TENM1: variants seen among roughly 807,000 people sequenced by gnomAD.
TENM1 encodes the protein teneurin-1.
TENM1 carries 35 observed loss-of-function variants against 174.8 expected under a neutral mutation model. That is an observed-to-expected ratio of 0.20 (90% CI 0.15 to 0.27). The LOEUF is 0.27. TENM1 is among the 10% of genes least tolerant of loss of function. The pLI, the probability that TENM1 is intolerant of heterozygous loss-of-function variation, is 1.00. For missense variants in TENM1, 1,633 were observed against 2,130.1 expected (o/e 0.77, Z 4.59); for synonymous variants, 781 against 798.7 (o/e 0.98, Z 0.37).
At chrX:125,018,315 G>C in the TENM1 span, among the ~76,000 whole-genome samples, 1 of 111,266 alleles carries the variant, frequency 9.0e-6, no homozygotes, top group African/African-American at 3.3e-5. Flanking sequence ...TAATGATTTG[G>C]CTTGAGAGCA....
At chrX:124,629,461 G>C (rs1209001394) in intron 11 of TENM1, among the ~76,000 whole-genome samples, 1 of 112,114 alleles carries the variant, frequency 8.9e-6, no homozygotes, top group African/African-American at 3.2e-5. Context: ...ACTTACAAAA[G>C]ATTTGTCTTT....
chrX:124,705,169 C>A, exon 5 of TENM1: 1 of 1,210,838 alleles, frequency 8.3e-7, no homozygotes, highest in Non-Finnish European at 1.1e-6. Flanking sequence ...GGCGAGTACA[C>A]GGTATTGGAT....
chrX:124,736,842 G>C, intron 4 of TENM1, 115 bp downstream of exon 7: 1 of 985,058 alleles, frequency 1.0e-6, no homozygotes, highest in Non-Finnish European at 1.4e-6. Context: ...GGTGTGTATC[G>C]GTTTGTGCAT....
chrX:124,890,972 A>G (rs2057465858), intron 3 of TENM1, among the ~76,000 whole-genome samples: 1 of 112,205 alleles, frequency 8.9e-6, no homozygotes, highest in South Asian at 3.7e-4. Context: ...AGCCATTAAA[A>G]GAATGAAATC....
intron 20 of TENM1, among the ~76,000 whole-genome samples, chrX:124,496,784 C>T (rs1468973199): frequency 1.8e-5 from 2 of 111,536 alleles, no homozygotes; most frequent in African/African-American, 3.3e-5. Flanking sequence ...GAAGGACATA[C>T]ATACAGGGAT....
intron 3 of TENM1, among the ~76,000 whole-genome samples, chrX:124,887,365 G>T (rs1473643461): frequency 9.0e-6 from 1 of 111,159 alleles, no homozygotes; most frequent in Non-Finnish European, 1.9e-5. Flanking sequence ...TGTAGTATGT[G>T]ATCCCATTTG....
At chrX:124,512,252 T>A (rs746702625) in intron 18 of TENM1, among the ~76,000 whole-genome samples, 1 of 111,250 alleles carries the variant, frequency 9.0e-6, no homozygotes, top group East Asian at 2.8e-4. Context: ...CTCTAGAATT[T>A]TAACAGCCCT....
chrX:124,432,298 T>C lies in TENM1; in HGVS notation c.4105-9660A>G, dbSNP rs556587448. 3.1e-4 allele frequency among the ~76,000 whole-genome samples: 35 copies of C among 112,174 alleles called. No individual in the cohort carries two copies. In the South Asian group the frequency reaches 0.012, roughly 37 times the overall value. Reference sequence around the variant, plus strand: ...AGACAATATCAGGGTCAAAACAAAATGTTAAATTTGTGGTTCCTAAAATTC... The same window carrying C: ...AGACAATATCAGGGTCAAAACAAAACGTTAAATTTGTGGTTCCTAAAATTC... On this transcript the variant is annotated intron_variant, in intron 23 of 31. Transcript: ENST00000422452.
chrX:125,093,092 A>G, the TENM1 span, among the ~76,000 whole-genome samples: 1 of 112,017 alleles, frequency 8.9e-6, no homozygotes, highest in Non-Finnish European at 1.9e-5. Flanking sequence ...TACAGAACTA[A>G]TTCTACTAGA....
At chrX:124,644,044 CATAT>C (rs72253813) in intron 10 of TENM1, among the ~76,000 whole-genome samples, 114 of 79,186 alleles carry the variant, frequency 1.4e-3, no homozygotes, top group African/African-American at 4.7e-3. Context: ...ATATAAATGG[CATAT>C]ATATATATAT....
intron 3 of TENM1, among the ~76,000 whole-genome samples, chrX:124,864,490 C>T (rs913693311): frequency 1.7e-4 from 19 of 111,784 alleles, no homozygotes; most frequent in African/African-American, 3.9e-4. Flanking sequence ...AACAGCAGAA[C>T]GGATCAAGCA....
At chrX:124,857,489 A>G (rs917370397) in intron 3 of TENM1, among the ~76,000 whole-genome samples, 1 of 111,732 alleles carries the variant, frequency 8.9e-6, no homozygotes, top group African/African-American at 3.2e-5. Context: ...GCCAGACACA[A>G]ATTGACAAAT....
chrX:125,020,167 T>G, the TENM1 span, among the ~76,000 whole-genome samples: 1 of 111,120 alleles, frequency 9.0e-6, no homozygotes, highest in Non-Finnish European at 1.9e-5. Context: ...AATTACTCTG[T>G]TTATCACATA....
intron 11 of TENM1, among the ~76,000 whole-genome samples, chrX:124,598,101 A>T (rs1298343639): frequency 8.9e-6 from 1 of 112,091 alleles, no homozygotes; most frequent in East Asian, 2.8e-4. Context: ...AAAAGAAGAC[A>T]TACAAATGGC....
the TENM1 span, among the ~76,000 whole-genome samples, chrX:125,016,840 A>G: frequency 8.9e-6 from 1 of 112,046 alleles, no homozygotes; most frequent in African/African-American, 3.2e-5. Context: ...TAACCAAAAC[A>G]GCATGGTACT....
the TENM1 span, among the ~76,000 whole-genome samples, chrX:125,065,134 T>C: frequency 9.0e-6 from 1 of 111,713 alleles, no homozygotes; most frequent in African/African-American, 3.2e-5. Context: ...ATCAAAGCAA[T>C]GGCTATGAAG....
chrX:124,653,380 A>G (rs1169998820), intron 7 of TENM1, among the ~76,000 whole-genome samples: 3 of 111,415 alleles, frequency 2.7e-5, no homozygotes, highest in Admixed American at 9.6e-5. Flanking sequence ...TCTTTTCTGA[A>G]TCTGCTCTGC....
intron 3 of TENM1, among the ~76,000 whole-genome samples, chrX:124,810,460 T>C (rs771781280): frequency 3.6e-5 from 4 of 110,816 alleles, no homozygotes; most frequent in African/African-American, 6.6e-5. Context: ...TCTACAATAG[T>C]TACAAAAAAA....
the TENM1 span, among the ~76,000 whole-genome samples, chrX:125,011,774 C>T: frequency 9.0e-6 from 1 of 111,527 alleles, no homozygotes; most frequent in Non-Finnish European, 1.9e-5. Flanking sequence ...TGGAAGACAG[C>T]GTGGCGATTC....
Sources: gnomAD v4.1 joint callset for allele counts (sites outside exome capture counted in the v4.1 genomes callset) on GRCh38, gnomAD v4.1.1 for gene constraint, MANE v1.5 for transcripts, NCBI Gene and HGNC (gene_info 2026-07-23, HGNC 2026-07-21) for gene names.